Variants in PDE7B observed in about 807,000 individuals in gnomAD.
The protein encoded by PDE7B is 3',5'-cyclic-AMP phosphodiesterase 7B.
Under a neutral mutation model 56.2 loss-of-function variants are expected in PDE7B, and 29 were observed. The observed-to-expected ratio is 0.52, with a 90% CI of 0.38 to 0.70. The LOEUF is 0.70. Ranked by LOEUF, PDE7B falls within the 30% of genes least tolerant of loss-of-function variation. The pLI is 0.00. For synonymous variants in PDE7B, 197 were observed against 196.9 expected (o/e 1.00, Z 0.00); for missense variants, 490 against 565.0 (o/e 0.87, Z 1.35).
chr6:135,956,188 C>A (rs1283273764), intron 2 of PDE7B, among the ~76,000 whole-genome samples: 4 of 150,718 alleles, frequency 2.7e-5, no homozygotes, highest in African/African-American at 9.8e-5. Flanking sequence ...GAGGATTGTA[C>A]CTTAGCCATC....
chr6:135,981,608 T>A (rs1456237644), intron 2 of PDE7B, among the ~76,000 whole-genome samples: 1 of 147,906 alleles, frequency 6.8e-6, no homozygotes, highest in Non-Finnish European at 1.5e-5. Flanking sequence ...AGGCCTAGGG[T>A]CAAGATGATC....
intron 3 of PDE7B, among the ~76,000 whole-genome samples, chr6:136,136,760 A>G (rs1778218810): frequency 7.4e-6 from 1 of 135,038 alleles, no homozygotes; most frequent in South Asian, 2.1e-4. Context: ...TAAATAATGA[A>G]AAAAAAAAAA....
intron 2 of PDE7B, among the ~76,000 whole-genome samples, chr6:136,098,486 C>T (rs1473900507): frequency 6.6e-6 from 1 of 152,106 alleles, no homozygotes; most frequent in Non-Finnish European, 1.5e-5. Flanking sequence ...TAAAATTTAA[C>T]AGTAAATGAT....
chr6:135,937,010 G>A (rs1054258490), intron 1 of PDE7B, among the ~76,000 whole-genome samples: 4 of 152,168 alleles, frequency 2.6e-5, no homozygotes, highest in Non-Finnish European at 5.9e-5. Flanking sequence ...GAGTGAGGAG[G>A]GCCTCTGGTG....
chr6:136,019,232 G>T (rs1776029367), intron 2 of PDE7B, among the ~76,000 whole-genome samples: 1 of 152,058 alleles, frequency 6.6e-6, no homozygotes, highest in Non-Finnish European at 1.5e-5. Flanking sequence ...CCGTTAGCCA[G>T]TTTTCTTGTA....
intron 3 of PDE7B, among the ~76,000 whole-genome samples, chr6:136,127,430 T>C (rs781069990): frequency 6.6e-6 from 1 of 152,242 alleles, no homozygotes; most frequent in Non-Finnish European, 1.5e-5. Context: ...TTGGGCTTTT[T>C]ATTTATCAGT....
intron 2 of PDE7B, among the ~76,000 whole-genome samples, chr6:136,104,276 C>G (rs949670835): frequency 6.6e-6 from 1 of 152,140 alleles, no homozygotes; most frequent in African/African-American, 2.4e-5. Flanking sequence ...TCTAGGCTGT[C>G]AACGCTTCCT....
intron 9 of PDE7B, among the ~76,000 whole-genome samples, chr6:136,174,409 C>T (rs1778944625): frequency 6.6e-6 from 1 of 152,104 alleles, no homozygotes; most frequent in East Asian, 1.9e-4. Context: ...TACCTTACGT[C>T]TCTTGCACTT....
chr6:136,040,821 C>T (rs1562477270), intron 2 of PDE7B, among the ~76,000 whole-genome samples: 1 of 152,164 alleles, frequency 6.6e-6, no homozygotes, highest in Non-Finnish European at 1.5e-5. Context: ...TTCCTTGGCT[C>T]AGTCAACTGA....
At chr6:136,076,667 G>A (rs1777133257) in intron 2 of PDE7B, among the ~76,000 whole-genome samples, 1 of 152,138 alleles carries the variant, frequency 6.6e-6, no homozygotes, top group Non-Finnish European at 1.5e-5. Context: ...CAATCAGATA[G>A]TCCCTTTCAC....
At chr6:135,956,908 AG>A (rs1353618959) in intron 2 of PDE7B, among the ~76,000 whole-genome samples, 1 of 152,050 alleles carries the variant, frequency 6.6e-6, no homozygotes, top group Non-Finnish European at 1.5e-5. Context: ...AAAGGAAGGA[AG>A]GAACGAAAAG....
At chr6:135,881,073 G>C (rs966983967) in intron 1 of PDE7B, among the ~76,000 whole-genome samples, 3 of 152,150 alleles carry the variant, frequency 2.0e-5, no homozygotes, top group Non-Finnish European at 4.4e-5. Flanking sequence ...CCCATGGGGA[G>C]GGTAGGCACC....
chr6:136,078,503 T>C (rs1033331416), intron 2 of PDE7B, among the ~76,000 whole-genome samples: 2 of 151,852 alleles, frequency 1.3e-5, no homozygotes, highest in Non-Finnish European at 2.9e-5. Context: ...TAGACTTCAA[T>C]ATCTAGCATA....
At chr6:136,189,143 G>A (rs546772263) in intron 12 of PDE7B, among the ~76,000 whole-genome samples, 1 of 152,244 alleles carries the variant, frequency 6.6e-6, no homozygotes, top group East Asian at 1.9e-4. Flanking sequence ...AATTTTCTGA[G>A]ATCTACTCTC....
chr6:136,018,442 C>T (rs542081969), intron 2 of PDE7B, among the ~76,000 whole-genome samples: 3 of 152,276 alleles, frequency 2.0e-5, no homozygotes, highest in Non-Finnish European at 2.9e-5. Flanking sequence ...TTAGAGCTAA[C>T]CCGATTCAAA....
intron 8 of PDE7B, among the ~76,000 whole-genome samples, chr6:136,156,342 G>GCCA (rs1223504001): frequency 6.6e-6 from 1 of 151,940 alleles, no homozygotes; most frequent in Non-Finnish European, 1.5e-5. Flanking sequence ...GGCACGTGCC[G>GCCA]CCACACCTGA....
intron 2 of PDE7B, among the ~76,000 whole-genome samples, chr6:135,985,148 T>A (rs1160937202): frequency 6.6e-6 from 1 of 152,214 alleles, no homozygotes; most frequent in Admixed American, 6.5e-5. Context: ...TTTGTGACTA[T>A]TCTCGTAAGA....
intron 3 of PDE7B, among the ~76,000 whole-genome samples, chr6:136,143,242 C>T (rs866432148): frequency 7.9e-5 from 12 of 151,752 alleles, no homozygotes; most frequent in African/African-American, 2.9e-4. Context: ...AAGACTGGCC[C>T]AATATGGTAG....
At chr6:135,984,329 T>G (rs547297620) in intron 2 of PDE7B, among the ~76,000 whole-genome samples, 150 of 152,298 alleles carry the variant, frequency 9.8e-4, no homozygotes, top group African/African-American at 3.5e-3. Flanking sequence ...TTTAAGCTAG[T>G]GTCATTCAGG....
Sources: allele counts gnomAD v4.1 joint callset (sites outside exome capture counted in the v4.1 genomes callset), GRCh38; gene constraint gnomAD v4.1.1; transcripts MANE v1.5; gene names NCBI Gene and HGNC (gene_info 2026-07-23, HGNC 2026-07-21).